The following ADSS2 variants were observed in gnomAD, a reference collection of about 807,000 sequenced individuals.
The protein encoded by ADSS2 is adenylosuccinate synthetase isozyme 2.
Under a neutral mutation model 60.0 loss-of-function variants are expected in ADSS2, and 30 were observed. The observed-to-expected ratio is 0.50, with a 90% CI of 0.37 to 0.68. The LOEUF is 0.68. Ranked by LOEUF, ADSS2 falls within the 30% of genes least tolerant of loss-of-function variation. The pLI, the probability that ADSS2 is intolerant of heterozygous loss-of-function variation, is 0.00. For synonymous variants in ADSS2, 187 were observed against 193.1 expected (o/e 0.97, Z 0.26); for missense variants, 373 against 554.8 (o/e 0.67, Z 3.29).
intron 12 of ADSS2, among the ~76,000 whole-genome samples, 174 bp downstream of exon 12, chr1:244,411,113 C>T (rs892015035): frequency 8.6e-5 from 13 of 151,490 alleles, no homozygotes; most frequent in South Asian, 4.2e-4. Flanking sequence ...CCCAGCTACT[C>T]GGGAGGCTGA....
chr1:244,411,237 AAGAG>A (rs750161874), intron 12 of ADSS2, 46 bp downstream of exon 12: 111 of 1,539,620 alleles, frequency 7.2e-5, no homozygotes, highest in Middle Eastern at 4.8e-4. Context: ...AAAAAGAAAA[AAGAG>A]AGAGAGAGAA....
intron 1 of ADSS2, among the ~76,000 whole-genome samples, chr1:244,441,276 T>C (rs1665241314): frequency 6.6e-6 from 1 of 152,094 alleles, no homozygotes; most frequent in African/African-American, 2.4e-5. Context: ...GCCAGGATGG[T>C]CTCGATCTCC....
chr1:244,419,634 TC>T (rs1455944341), intron 8 of ADSS2, among the ~76,000 whole-genome samples: 2 of 152,160 alleles, frequency 1.3e-5, no homozygotes, highest in African/African-American at 4.8e-5. Context: ...ATCAGACTAA[TC>T]ATGAGAAATC....
At chr1:244,414,872 A>G (rs1367964492) in intron 11 of ADSS2, among the ~76,000 whole-genome samples, 1 of 152,208 alleles carries the variant, frequency 6.6e-6, no homozygotes, top group African/African-American at 2.4e-5. Context: ...GCCTCAATTT[A>G]GTATAACTCT....
In ADSS2 at chr1:244,420,525, GA is replaced by G. The variant is rs1326411838; in HGVS notation, c.664-230del. On this transcript the variant is annotated intron_variant, in intron 7 of 12. Coordinates refer to ENST00000366535, the MANE Select transcript of ADSS2 (RefSeq NM_001126.5). Reference sequence around the variant, plus strand: ...GCTCAACAAAAACTAGAGATACAGTGAAATTCAAAGGTTCTATATTAACCTC... The same window carrying G: ...GCTCAACAAAAACTAGAGATACAGTGAATTCAAAGGTTCTATATTAACCTC... Among the ~76,000 whole-genome samples, 3 of 151,992 alleles carry G rather than the reference GA, an allele frequency of 2.0e-5. No individual in the cohort carries two copies. In the East Asian group the frequency reaches 5.8e-4, roughly 29 times the overall value.
At chr1:244,418,601 A>G (rs908973453) in intron 9 of ADSS2, among the ~76,000 whole-genome samples, 159 bp downstream of exon 9, 4 of 152,336 alleles carry the variant, frequency 2.6e-5, no homozygotes, top group East Asian at 1.9e-4. Flanking sequence ...GATTACAGAC[A>G]GGGGCCACCA....
chr1:244,440,188 TAGG>T (rs760140138), intron 1 of ADSS2, among the ~76,000 whole-genome samples: 2 of 152,216 alleles, frequency 1.3e-5, no homozygotes, highest in Non-Finnish European at 2.9e-5. Context: ...GGTGTTCCTG[TAGG>T]AGAACAATTG....
chr1:244,416,110 AGCAGACTCTTAAAG>A, intron 10 of ADSS2, 32 bp from the exon 11 acceptor site: 2 of 1,463,270 alleles, frequency 1.4e-6, no homozygotes, highest in Non-Finnish European at 1.9e-6. Context: ...ATGTTAAAAG[AGCAGACTCTTAAAG>A]CCTCTAATAT....
At chr1:244,436,021 G>A (rs1303041239) in intron 3 of ADSS2, among the ~76,000 whole-genome samples, 2 of 152,190 alleles carry the variant, frequency 1.3e-5, no homozygotes, top group Non-Finnish European at 2.9e-5. Flanking sequence ...GGCGTGCATG[G>A]AAAAGATATA....
intron 1 of ADSS2, among the ~76,000 whole-genome samples, chr1:244,448,992 C>T (rs1366260305): frequency 6.6e-6 from 1 of 152,148 alleles, no homozygotes; most frequent in South Asian, 2.1e-4. Context: ...ATTCTTCTCT[C>T]TTCTTCTTAA....
intron 9 of ADSS2, 64 bp downstream of exon 9, chr1:244,418,696 A>T: frequency 2.1e-6 from 3 of 1,451,734 alleles, no homozygotes; most frequent in Non-Finnish European, 2.8e-6. Context: ...ACAATAATTC[A>T]TTAAGAAAAA....
At position 244,425,483 on chromosome 1, in the gene ADSS2, G is replaced by C. The variant is rs7546490; in HGVS notation, c.407-1096C>G. On this transcript the variant is annotated intron_variant, in intron 4 of 12. Transcript: ENST00000366535. ...GGGATTAGTGGTAGCATCTGTAAAAGAACTATTTAGAACTATTAGAAGACT... is the reference window on the plus strand; with the variant it reads ...GGGATTAGTGGTAGCATCTGTAAAACAACTATTTAGAACTATTAGAAGACT... Among the ~76,000 whole-genome samples the C allele has an allele frequency of 5.7e-3, 864 of 152,278 alleles. 9 individuals carry two copies. Among genetic ancestry groups the C allele is most frequent in the African/African-American group, 0.02 (814 of 41,562 alleles).
intron 6 of ADSS2, among the ~76,000 whole-genome samples, 182 bp downstream of exon 6, chr1:244,423,771 G>A (rs113277726): frequency 0.035 from 5,283 of 152,112 alleles, 114 homozygotes; most frequent in Middle Eastern, 0.082. Flanking sequence ...TATATTTCAT[G>A]AAGTTAATCT....
rs74341415 is a variant in ADSS2, at chr1:244,435,854, G to C, written c.355+971C>G. On this transcript the variant is annotated intron_variant, in intron 3 of 12. Coordinates refer to ENST00000366535, the MANE Select transcript of ADSS2 (RefSeq NM_001126.5). ...AGTAAGCAGTACAGCAGCAGCACCAGAGTATCTGTATCAGCTGGCAAACAG... is the reference window on the plus strand; with the variant it reads ...AGTAAGCAGTACAGCAGCAGCACCACAGTATCTGTATCAGCTGGCAAACAG... Among the ~76,000 whole-genome samples, 322 of 152,316 alleles carry C rather than the reference G, an allele frequency of 2.1e-3. 6 individuals are homozygous for C. In the East Asian group the frequency reaches 0.028, roughly 13 times the overall value.
intron 1 of ADSS2, among the ~76,000 whole-genome samples, 189 bp from the exon 2 acceptor site, chr1:244,437,957 T>C (rs1038303271): frequency 1.3e-5 from 2 of 152,190 alleles, no homozygotes; most frequent in African/African-American, 2.4e-5. Flanking sequence ...TGTAGAATAC[T>C]TGAGTGATTA....
At chr1:244,410,203 C>T (rs1377567387) in intron 12 of ADSS2, among the ~76,000 whole-genome samples, 1 of 152,112 alleles carries the variant, frequency 6.6e-6, no homozygotes, top group Non-Finnish European at 1.5e-5. Context: ...GAGCAGTAAG[C>T]AAATATGCTT....
Position 244,449,104 on chromosome 1 carries a change from C to T in ADSS2, c.183+2531G>A, listed in dbSNP as rs192839346. Among the ~76,000 whole-genome samples the T allele has an allele frequency of 1.3e-5, 2 of 152,290 alleles. 1 individual carries two copies. The highest frequency in any genetic ancestry group is 4.8e-5 in the African/African-American group (2 of 41,562). On this transcript the variant is annotated intron_variant, in intron 1 of 12. Transcript: ENST00000366535. The stretch of plus-strand genomic sequence containing the variant: ...GGAACCTACCAAGTTATAAATAACT[C>T]CCCATAAATCCTGAATCTGAACAAC...
rs117115161 is a variant in ADSS2 at position 244,411,572 on chromosome 1, T to A, written c.1169-136A>T. ...GTTTTGGGATTTAGAATTCTTCAGGTAGTAGAAAGGTAAAACAGCGCAAAT... is the reference window on the plus strand; with the variant it reads ...GTTTTGGGATTTAGAATTCTTCAGGAAGTAGAAAGGTAAAACAGCGCAAAT... On this transcript the variant is annotated intron_variant, in intron 11 of 12. Transcript: ENST00000366535. 9.4e-4 allele frequency: 819 copies of A among 875,622 alleles called. 14 individuals carry two copies. In the East Asian group the frequency reaches 0.02, roughly 21 times the overall value. 54.2% of individuals were successfully genotyped at this position (875,622 alleles called of 1,614,324 possible). A position where few individuals can be genotyped will look rare whatever the true frequency, so the allele number is the denominator to read the frequency against.
rs1325171378 is a variant in ADSS2, at chr1:244,451,889, G to A, written c.-72C>T. The A allele has an allele frequency of 1.1e-5, 15 of 1,393,192 alleles. No individual in the cohort carries two copies. The East Asian group carries it at 4.0e-4, about 37-fold the overall frequency. 86.3% of individuals were successfully genotyped at this position (1,393,192 alleles called of 1,614,324 possible). A position where few individuals can be genotyped will look rare whatever the true frequency, so the allele number is the denominator to read the frequency against. On this transcript the variant is annotated 5_prime_UTR_variant, in exon 1 of 13. Transcript: ENST00000366535. This position sits in a 1 kb window ranked among gnomAD's most constrained non-coding sequence, Gnocchi z 6.6. ...GAGTGAGCGAACTGAACTGCTCTGC[G>A]GCCGCCAGCCACATGCAGAGGAAGA... is the stretch of plus-strand genomic sequence containing the variant.
Sources: allele counts gnomAD v4.1 joint callset (sites outside exome capture counted in the v4.1 genomes callset), GRCh38; gene constraint gnomAD v4.1.1; non-coding constraint Gnocchi (gnomAD v3.1); transcripts MANE v1.5; gene names NCBI Gene and HGNC (gene_info 2026-07-23, HGNC 2026-07-21).